The following ANKRD30B variants were observed in gnomAD, a reference collection of about 807,000 sequenced individuals.
ANKRD30B encodes ankyrin repeat domain 30B, also known as ankyrin repeat domain-containing protein 30B.
In ANKRD30B, 144 loss-of-function variants were observed where a neutral mutation model predicts 202.2. The ratio of observed to expected loss-of-function variants is 0.71; its 90% CI spans 0.62 to 0.82. The LOEUF (loss-of-function observed/expected upper bound fraction) is 0.82. Ranked by LOEUF, ANKRD30B falls within the 40% of genes least tolerant of loss-of-function variation. ANKRD30B has a pLI of 0.00. For synonymous variants in ANKRD30B, 508 were observed against 561.3 expected (o/e 0.91, Z 1.34); for missense variants, 1,487 against 1,669.1 (o/e 0.89, Z 1.90).
chr18:14,928,008 C>T, the ANKRD30B span, among the ~76,000 whole-genome samples: 1 of 152,110 alleles, frequency 6.6e-6, no homozygotes, highest in Admixed American at 6.5e-5. Context: ...ACTCTTGTTG[C>T]CCAGGCTGGA....
chr18:14,869,072 C>T, the ANKRD30B span, among the ~76,000 whole-genome samples: 3 of 152,340 alleles, frequency 2.0e-5, no homozygotes, highest in East Asian at 3.9e-4. Flanking sequence ...ATGTTGGCTG[C>T]TTATTGTTAG....
intron 39 of ANKRD30B, among the ~76,000 whole-genome samples, chr18:14,847,357 G>A (rs1409730824): frequency 2.0e-4 from 30 of 148,878 alleles, no homozygotes; most frequent in African/African-American, 7.1e-4. Context: ...TGGATCTGTG[G>A]GATTGTAGCA....
At chr18:14,921,160 G>A in the ANKRD30B span, among the ~76,000 whole-genome samples, 6 of 152,164 alleles carry the variant, frequency 3.9e-5, no homozygotes, top group East Asian at 7.7e-4. Context: ...AATGAGGGAC[G>A]TGTTTAGATA....
intron 28 of ANKRD30B, among the ~76,000 whole-genome samples, chr18:14,810,595 A>T (rs113884043): frequency 0.013 from 1,983 of 151,182 alleles, 85 homozygotes; most frequent in Non-Finnish European, 0.021. Context: ...AATCTAAAGA[A>T]AATCAGTTTC....
At chr18:14,880,521 G>C in the ANKRD30B span, among the ~76,000 whole-genome samples, 1 of 151,188 alleles carries the variant, frequency 6.6e-6, no homozygotes, top group Admixed American at 6.6e-5. Context: ...GCATGGGGAT[G>C]CGTTTCCATT....
chr18:14,840,018 TTG>T (rs2143169757), intron 36 of ANKRD30B, among the ~76,000 whole-genome samples: 2 of 152,328 alleles, frequency 1.3e-5, no homozygotes, highest in East Asian at 3.9e-4. Context: ...GTGAATTTTT[TTG>T]TGAGTATGAT....
Position 14,781,243 on chromosome 18 carries a change from C to A in ANKRD30B, c.1482+1222C>A, listed in dbSNP as rs115737770. ...CAAAAACATTTTGATTATTTTAAGC[C>A]CTTGTTTACCTAAATATAGCCGCTT... On this transcript the variant is annotated intron_variant, in intron 11 of 43. Transcript: ENST00000690538. Among the ~76,000 whole-genome samples, 174 of 151,316 alleles carry A rather than the reference C, an allele frequency of 1.1e-3. 1 individual carries two copies. The highest frequency in any genetic ancestry group is 4.1e-3 in the African/African-American group (170 of 41,206).
intron 11 of ANKRD30B, among the ~76,000 whole-genome samples, chr18:14,782,265 G>A (rs548845110): frequency 2.0e-5 from 3 of 152,198 alleles, no homozygotes; most frequent in Non-Finnish European, 2.9e-5. Context: ...ATATGCAGAT[G>A]AGTGAAAATT....
At chr18:14,898,692 C>T in the ANKRD30B span, among the ~76,000 whole-genome samples, 1 of 152,268 alleles carries the variant, frequency 6.6e-6, no homozygotes, top group South Asian at 2.1e-4. Flanking sequence ...ACCTGTCTGT[C>T]AGCTCTATAA....
At chr18:14,920,889 C>A in the ANKRD30B span, among the ~76,000 whole-genome samples, 4 of 152,308 alleles carry the variant, frequency 2.6e-5, no homozygotes, top group East Asian at 7.7e-4. Flanking sequence ...TGGCTGAGAG[C>A]ATTTACATGT....
At chr18:14,882,804 A>G in the ANKRD30B span, among the ~76,000 whole-genome samples, 1 of 151,884 alleles carries the variant, frequency 6.6e-6, no homozygotes, top group Non-Finnish European at 1.5e-5. Flanking sequence ...AGGTCCATGT[A>G]TGTTTAGGAT....
chr18:14,789,810 G>T (rs1968344404), intron 15 of ANKRD30B, among the ~76,000 whole-genome samples: 1 of 152,188 alleles, frequency 6.6e-6, no homozygotes, highest in South Asian at 2.1e-4. Flanking sequence ...AGTATAGTTT[G>T]AAGTCAGGTA....
intron 40 of ANKRD30B, among the ~76,000 whole-genome samples, chr18:14,849,520 C>T (rs1013793799): frequency 5.9e-5 from 9 of 151,622 alleles, no homozygotes; most frequent in South Asian, 2.1e-4. Flanking sequence ...CAACATCTCT[C>T]GCTCTCCTAC....
rs2144044176 is a variant in ANKRD30B at position 14,808,599 on chromosome 18, T to G, written c.2313+20T>G. 1 of 1,573,706 alleles carries G rather than the reference T, an allele frequency of 6.4e-7. No homozygotes were observed. Reference sequence around the variant, plus strand: ...CTGAAGGTAATTACTTTTATATTTCTATGTTGAATATTAACTACATATTTT... The same window carrying G: ...CTGAAGGTAATTACTTTTATATTTCGATGTTGAATATTAACTACATATTTT... On this transcript the variant is annotated intron_variant, in intron 25 of 43. Coordinates refer to ENST00000690538, the MANE Select transcript of ANKRD30B (RefSeq NM_001367607.2).
At chr18:14,761,722 A>G (rs1394639707) in intron 6 of ANKRD30B, among the ~76,000 whole-genome samples, 5 of 152,152 alleles carry the variant, frequency 3.3e-5, no homozygotes, top group Admixed American at 6.5e-5. Flanking sequence ...TTATTTATTT[A>G]TTTATTTATT....
At chr18:14,824,102 G>C (rs1338513654) in intron 32 of ANKRD30B, among the ~76,000 whole-genome samples, 2 of 50,128 alleles carry the variant, frequency 4.0e-5, no homozygotes, top group Non-Finnish European at 1.2e-4. Context: ...ATATTATTTT[G>C]GAACTTCCTT....
Position 14,806,779 on chromosome 18 carries a change from C to T in ANKRD30B, c.2285-1772C>T, listed in dbSNP as rs1023463267. 1.7e-4 allele frequency among the ~76,000 whole-genome samples: 26 copies of T among 149,494 alleles called. 1 individual carries two copies. The highest frequency in any genetic ancestry group is 3.4e-3 in the Middle Eastern group (1 of 290). On this transcript the variant is annotated intron_variant, in intron 24 of 43. Transcript: ENST00000690538. Reference sequence around the variant, plus strand: ...TAAAGGAAAATATTTTGGTTACATACTCATTTCCTATCTCATGACACTCTG... The same window carrying T: ...TAAAGGAAAATATTTTGGTTACATATTCATTTCCTATCTCATGACACTCTG...
Position 14,748,475 on chromosome 18 carries a change from A to G in ANKRD30B, c.56A>G (p.Asn19Ser), listed in dbSNP as rs569692334. The change falls in exon 1 of 44, where the codon AAC (asparagine) becomes AGC (serine). Residue 19 changes from asparagine to serine, a missense_variant. By Grantham distance (46) the Asn-to-Ser change is conservative. Transcript: ENST00000690538. Reference protein sequence around the residue: ...GKGVRGPEPPNPFSERVYTEK... With the variant: ...GKGVRGPEPPSPFSERVYTEK... Reference sequence around the variant, plus strand: ...GGCGTGCGGGGCCCGGAGCCCCCGAACCCCTTCAGCGAACGGGTCTACACT... The same window carrying G: ...GGCGTGCGGGGCCCGGAGCCCCCGAGCCCCTTCAGCGAACGGGTCTACACT... The G allele has an allele frequency of 3.8e-4, 591 of 1,545,544 alleles. 1 individual carries two copies. The highest frequency in any genetic ancestry group is 4.6e-4 in the Non-Finnish European group (521 of 1,143,518).
chr18:14,858,582 G>A (rs1204549225), downstream of ANKRD30B, among the ~76,000 whole-genome samples: 1 of 104,216 alleles, frequency 9.6e-6, no homozygotes, highest in Non-Finnish European at 2.0e-5. Flanking sequence ...GGGCAACCAG[G>A]CAAGAGGTGC....
Sources: allele counts gnomAD v4.1 joint callset (sites outside exome capture counted in the v4.1 genomes callset), GRCh38; gene constraint gnomAD v4.1.1; transcripts MANE v1.5; gene names NCBI Gene and HGNC (gene_info 2026-07-23, HGNC 2026-07-21).